TENM2: variants seen among roughly 807,000 people sequenced by gnomAD.
The protein encoded by TENM2 is teneurin-2.
In TENM2, 52 loss-of-function variants were observed where a neutral mutation model predicts 245.2. The observed-to-expected ratio is 0.21, with a 90% CI of 0.17 to 0.27. TENM2 has a LOEUF of 0.27. TENM2 is among the 10% of genes least tolerant of loss of function. TENM2 has a pLI of 1.00. For missense variants in TENM2, 3,046 were observed against 3,666.8 expected, an observed-to-expected ratio of 0.83 and a Z score of 4.37; for synonymous variants, 1,363 against 1,438.9, an observed-to-expected ratio of 0.95 and a Z score of 1.19.
exon 24 of TENM2, chr5:168,226,190 C>T: frequency 6.2e-7 from 1 of 1,613,702 alleles, no homozygotes; most frequent in African/African-American, 1.3e-5. Context: ...ACATTGAGAA[C>T]TCCAACCGTG....
At chr5:168,255,951 A>G (rs912692544) in intron 27 of TENM2, among the ~76,000 whole-genome samples, 1 of 151,490 alleles carries the variant, frequency 6.6e-6, no homozygotes, top group Non-Finnish European at 1.5e-5. Flanking sequence ...GATTACAGGC[A>G]GGCGCCACCA....
chr5:167,322,208 T>C (rs1338593955), intron 1 of TENM2, among the ~76,000 whole-genome samples: 1 of 94,290 alleles, frequency 1.1e-5, no homozygotes, highest in Non-Finnish European at 2.2e-5. Flanking sequence ...TGCTCAAAAA[T>C]ATTTGTTTTT....
At position 167,859,537 on chromosome 5, in the gene TENM2, G is replaced by A. The variant is rs1486977005; in HGVS notation, c.503-16449G>A. On this transcript the variant is annotated intron_variant, in intron 2 of 28. Transcript: ENST00000518659. ...GGTCAGCCCCCCCACCCGGCCAGCCGCCCCGTCCGGGAGGGAGGTGGGGGG... is the reference window on the plus strand; with the variant it reads ...GGTCAGCCCCCCCACCCGGCCAGCCACCCCGTCCGGGAGGGAGGTGGGGGG... 1.7e-4 allele frequency among the ~76,000 whole-genome samples: 14 copies of A among 80,778 alleles called. No individual in the cohort carries two copies. The East Asian group carries it at 1.9e-3, about 11-fold the overall frequency. 53.0% of individuals were successfully genotyped at this position (80,778 alleles called of 152,430 possible).
chr5:167,193,159 T>C, the TENM2 span, among the ~76,000 whole-genome samples: 3 of 151,984 alleles, frequency 2.0e-5, no homozygotes, highest in Non-Finnish European at 4.4e-5. Flanking sequence ...TCACAAAAAA[T>C]GTCATTTTAG....
chr5:168,103,118 G>A (rs1434352710), intron 9 of TENM2, among the ~76,000 whole-genome samples: 2 of 151,082 alleles, frequency 1.3e-5, no homozygotes, highest in African/African-American at 4.9e-5. Context: ...ACCTATGAGC[G>A]AGAACATGCG....
intron 2 of TENM2, among the ~76,000 whole-genome samples, chr5:167,659,874 G>T (rs1318464380): frequency 2.6e-5 from 4 of 152,120 alleles, no homozygotes; most frequent in African/African-American, 9.7e-5. Flanking sequence ...ATGAGATAAT[G>T]TTACCTCTTC....
chr5:167,199,439 C>T, the TENM2 span, among the ~76,000 whole-genome samples: 1 of 152,130 alleles, frequency 6.6e-6, no homozygotes, highest in Non-Finnish European at 1.5e-5. Flanking sequence ...CCAGGATCCA[C>T]TGAGTCTTCC....
chr5:167,679,877 G>T (rs1352166450), intron 2 of TENM2, among the ~76,000 whole-genome samples: 2 of 152,140 alleles, frequency 1.3e-5, no homozygotes, highest in Non-Finnish European at 2.9e-5. Flanking sequence ...AGCATTTATG[G>T]CTTATGGTCC....
intron 2 of TENM2, among the ~76,000 whole-genome samples, chr5:167,465,499 T>G (rs375054665): frequency 3.9e-5 from 6 of 152,320 alleles, no homozygotes; most frequent in Admixed American, 2.0e-4. Context: ...GAAAGTATTA[T>G]TAATCTGATT....
rs979808321 is a variant in TENM2 at position 167,428,202 on chromosome 5, T to G, written c.502+52729T>G. Among the ~76,000 whole-genome samples the G allele has an allele frequency of 7.9e-5, 12 of 152,200 alleles. No homozygotes were observed. In the South Asian group the frequency reaches 2.3e-3, roughly 29 times the overall value. ...GCTGTCTCCTCAATAGATATATGAG[T>G]TTTTTAAAAAATTAATTACTATTAT... is the stretch of plus-strand genomic sequence containing the variant. On this transcript the variant is annotated intron_variant, in intron 2 of 28. Transcript: ENST00000518659.
the TENM2 span, among the ~76,000 whole-genome samples, chr5:167,268,720 A>G: frequency 6.6e-6 from 1 of 152,082 alleles, no homozygotes; most frequent in Non-Finnish European, 1.5e-5. Context: ...TGTATTATCT[A>G]TTACTGCTTT....
the TENM2 span, among the ~76,000 whole-genome samples, chr5:167,161,347 A>G: frequency 6.6e-6 from 1 of 152,222 alleles, no homozygotes; most frequent in Non-Finnish European, 1.5e-5. Context: ...AGAAATTTCT[A>G]TCAGCAAATT....
intron 2 of TENM2, among the ~76,000 whole-genome samples, chr5:167,646,396 C>A (rs561844931): frequency 6.6e-6 from 1 of 151,364 alleles, no homozygotes; most frequent in Non-Finnish European, 1.5e-5. Context: ...GAAGCACTGG[C>A]TTACTTATGA....
At chr5:168,173,879 A>G (rs1759085092) in intron 13 of TENM2, among the ~76,000 whole-genome samples, 1 of 152,206 alleles carries the variant, frequency 6.6e-6, no homozygotes, top group Non-Finnish European at 1.5e-5. Context: ...AAAAGGAATT[A>G]GGCAAGGAAG....
the TENM2 span, among the ~76,000 whole-genome samples, chr5:166,990,857 G>C: frequency 6.6e-6 from 1 of 152,288 alleles, no homozygotes; most frequent in Admixed American, 6.5e-5. Context: ...TACGCTATTA[G>C]ACTGTTGAAG....
chr5:167,818,822 C>T (rs896005221), intron 2 of TENM2, among the ~76,000 whole-genome samples: 4 of 152,132 alleles, frequency 2.6e-5, no homozygotes, highest in Non-Finnish European at 4.4e-5. Context: ...AATTACAACG[C>T]GGGTTGAATT....
intron 2 of TENM2, among the ~76,000 whole-genome samples, chr5:167,663,223 C>A (rs1358515932): frequency 4.0e-5 from 6 of 150,542 alleles, no homozygotes; most frequent in Admixed American, 4.0e-4. Flanking sequence ...CCTCCTCAGA[C>A]CATCTAAATT....
At chr5:168,036,687 A>ATG (rs1336639188) in intron 5 of TENM2, among the ~76,000 whole-genome samples, 3 of 118,086 alleles carry the variant, frequency 2.5e-5, no homozygotes, top group African/African-American at 8.1e-5. Flanking sequence ...GTATATATAT[A>ATG]TATATATATA....
At chr5:167,542,731 T>C (rs569285128) in intron 2 of TENM2, among the ~76,000 whole-genome samples, 40 of 152,058 alleles carry the variant, frequency 2.6e-4, no homozygotes, top group South Asian at 4.2e-4. Flanking sequence ...TATTTTCTGG[T>C]TTTTTTTCTG....
Sources: gnomAD v4.1 joint callset for allele counts (sites outside exome capture counted in the v4.1 genomes callset) on GRCh38, gnomAD v4.1.1 for gene constraint, MANE v1.5 for transcripts, NCBI Gene and HGNC (gene_info 2026-07-23, HGNC 2026-07-21) for gene names.